Variants in MACROD2 observed in about 807,000 individuals in gnomAD.
MACROD2 encodes mono-ADP ribosylhydrolase 2.
Under a neutral mutation model 70.4 loss-of-function variants are expected in MACROD2, and 36 were observed. That is an observed-to-expected ratio of 0.51 (90% CI 0.39 to 0.68). MACROD2 has a LOEUF of 0.68. MACROD2 is among the 30% of genes least tolerant of loss of function. The pLI, the probability that MACROD2 is intolerant of heterozygous loss-of-function variation, is 0.00. For missense variants in MACROD2, 496 were observed against 538.4 expected, an observed-to-expected ratio of 0.92 and a Z score of 0.78; for synonymous variants, 172 against 178.8, an observed-to-expected ratio of 0.96 and a Z score of 0.30.
At chr20:15,817,581 C>T (rs1252923079) in intron 8 of MACROD2, among the ~76,000 whole-genome samples, 3 of 152,146 alleles carry the variant, frequency 2.0e-5, no homozygotes, top group African/African-American at 2.4e-5. Context: ...TCACCATGCC[C>T]GATATCTTAC....
intron 6 of MACROD2, among the ~76,000 whole-genome samples, chr20:15,310,670 T>C (rs1431686645): frequency 3.3e-5 from 5 of 152,064 alleles, no homozygotes; most frequent in African/African-American, 1.2e-4. Context: ...CAAAATTGTG[T>C]TAGACAAATT....
chr20:15,324,900 A>T (rs1055736044), intron 6 of MACROD2, among the ~76,000 whole-genome samples: 1 of 152,210 alleles, frequency 6.6e-6, no homozygotes, highest in Non-Finnish European at 1.5e-5. Context: ...ACAAGTTTGC[A>T]TAACTTGACC....
chr20:15,665,403 C>G (rs1255348443), intron 8 of MACROD2, among the ~76,000 whole-genome samples: 1 of 152,118 alleles, frequency 6.6e-6, no homozygotes, highest in African/African-American at 2.4e-5. Flanking sequence ...TAACTCACCC[C>G]TTACATGTAA....
At chr20:15,073,789 G>A (rs1042494521) in intron 5 of MACROD2, among the ~76,000 whole-genome samples, 2 of 152,130 alleles carry the variant, frequency 1.3e-5, no homozygotes, top group Non-Finnish European at 2.9e-5. Flanking sequence ...ATTCACAGAA[G>A]CTGACTATAA....
intron 3 of MACROD2, among the ~76,000 whole-genome samples, chr20:14,214,224 A>G (rs2122142987): frequency 6.6e-6 from 1 of 152,286 alleles, no homozygotes; most frequent in African/African-American, 2.4e-5. Context: ...TCATGATCAC[A>G]TCTGTGTTGT....
intron 6 of MACROD2, among the ~76,000 whole-genome samples, chr20:15,233,796 C>T (rs984190732): frequency 6.6e-6 from 1 of 150,514 alleles, no homozygotes; most frequent in African/African-American, 2.4e-5. Flanking sequence ...CCTGATTCTC[C>T]TTCTAATCTT....
chr20:14,498,458 T>C (rs1176819109), intron 4 of MACROD2, among the ~76,000 whole-genome samples: 1 of 152,224 alleles, frequency 6.6e-6, no homozygotes, highest in African/African-American at 2.4e-5. Context: ...TTTGTCAGTA[T>C]TGATTATTGA....
At chr20:14,301,029 A>G (rs1231404699) in intron 3 of MACROD2, among the ~76,000 whole-genome samples, 2 of 152,200 alleles carry the variant, frequency 1.3e-5, no homozygotes, top group Admixed American at 1.3e-4. Context: ...CTTTTTACCT[A>G]TTAATGTAGT....
At chr20:15,660,752 G>A (rs4814394) in intron 8 of MACROD2, among the ~76,000 whole-genome samples, 3 of 152,212 alleles carry the variant, frequency 2.0e-5, no homozygotes, top group Admixed American at 2.0e-4. Context: ...ACTGTGGTGT[G>A]CATGTGTGGG....
chr20:15,761,211 A>G (rs1310170343), intron 8 of MACROD2, among the ~76,000 whole-genome samples: 3 of 152,062 alleles, frequency 2.0e-5, no homozygotes, highest in African/African-American at 7.2e-5. Flanking sequence ...AGGTCCAGCT[A>G]ATTTTTATAT....
At chr20:14,497,345 T>C (rs1022282184) in intron 4 of MACROD2, among the ~76,000 whole-genome samples, 1 of 151,730 alleles carries the variant, frequency 6.6e-6, no homozygotes, top group African/African-American at 2.4e-5. Flanking sequence ...ATAAGAATGT[T>C]GTACATGCAC....
intron 5 of MACROD2, among the ~76,000 whole-genome samples, chr20:14,974,483 G>A (rs1248690390): frequency 6.6e-6 from 1 of 152,130 alleles, no homozygotes; most frequent in African/African-American, 2.4e-5. Context: ...GAAGGTTTTA[G>A]GATGGGGGCA....
At chr20:15,028,220 G>A (rs576468834) in intron 5 of MACROD2, among the ~76,000 whole-genome samples, 1 of 152,294 alleles carries the variant, frequency 6.6e-6, no homozygotes, top group Non-Finnish European at 1.5e-5. Context: ...AGAGAATTCT[G>A]GGGGCCTGAA....
chr20:14,532,218 C>CTTTT lies in MACROD2; in HGVS notation c.301+38725_301+38728dup, dbSNP rs1170533352. On this transcript the variant is annotated intron_variant, in intron 4 of 17. Transcript: ENST00000684519. ...CACAAAACAATCCTGTATAACTAAT[C>CTTTT]TTTTTTTTTTTTTTTTTTGAGATGG... Among the ~76,000 whole-genome samples the CTTTT allele has an allele frequency of 8.7e-3, 1,150 of 131,434 alleles. 35 individuals carry two copies. The highest frequency in any genetic ancestry group is 0.033 in the African/African-American group (1,092 of 32,972). The allele number at this position is 131,434 out of a possible 152,430, so 86.2% of individuals were successfully genotyped here.
At chr20:14,356,521 T>TC (rs1491541612) in intron 3 of MACROD2, among the ~76,000 whole-genome samples, 4 of 118,958 alleles carry the variant, frequency 3.4e-5, no homozygotes, top group African/African-American at 1.3e-4. Context: ...TTTTTTTTTT[T>TC]CGAGATGGAG....
intron 5 of MACROD2, among the ~76,000 whole-genome samples, chr20:15,211,326 G>A (rs1255458453): frequency 3.3e-5 from 5 of 152,040 alleles, no homozygotes; most frequent in African/African-American, 1.2e-4. Flanking sequence ...TATACATTTG[G>A]TTATTCATTC....
At chr20:15,589,076 G>A (rs2048642849) in intron 8 of MACROD2, among the ~76,000 whole-genome samples, 1 of 152,194 alleles carries the variant, frequency 6.6e-6, no homozygotes, top group African/African-American at 2.4e-5. Flanking sequence ...TGGCTGGGGA[G>A]GCCTCAGAAT....
intron 3 of MACROD2, among the ~76,000 whole-genome samples, chr20:14,165,387 G>A (rs1373850428): frequency 6.6e-6 from 1 of 152,154 alleles, no homozygotes; most frequent in East Asian, 1.9e-4. Context: ...GCTGATCTCA[G>A]TCAAGCAGGC....
chr20:14,061,138 T>G (rs2053686415), intron 2 of MACROD2, among the ~76,000 whole-genome samples: 1 of 152,080 alleles, frequency 6.6e-6, no homozygotes, highest in Non-Finnish European at 1.5e-5. Context: ...TTGCTAAATA[T>G]GATGGTTTCT....
Sources: allele counts gnomAD v4.1 joint callset (sites outside exome capture counted in the v4.1 genomes callset), GRCh38; gene constraint gnomAD v4.1.1; transcripts MANE v1.5; gene names NCBI Gene and HGNC (gene_info 2026-07-23, HGNC 2026-07-21).